MRGPRE: variants seen among roughly 807,000 people sequenced by gnomAD.
MRGPRE encodes mas-related G protein-coupled receptor member E.
For synonymous variants in MRGPRE, 229 were observed against 206.7 expected (o/e 1.11, Z -0.92); for missense variants, 466 against 433.4 (o/e 1.08, Z -0.67).
rs1847808382 is a variant in MRGPRE at position 3,229,631 on chromosome 11, G to C, written c.-61-771C>G. Among the ~76,000 whole-genome samples the C allele has an allele frequency of 6.6e-6, 1 of 152,206 alleles. No individual in the cohort carries two copies. The highest frequency in any genetic ancestry group is 1.9e-4 in the East Asian group (1 of 5,190). On this transcript the variant is annotated intron_variant, in intron 1 of 1. Coordinates refer to ENST00000389832, the MANE Select transcript of MRGPRE (RefSeq NM_001039165.4). This position sits in a 1 kb window ranked among gnomAD's most constrained non-coding sequence, Gnocchi z 4.4. ...CTTAAAGCAGCCCTCAACTCTTTGA[G>C]GCCTTTCCTTGACATCCATGAGGGG... is the stretch of plus-strand genomic sequence containing the variant.
rs549893223 is a variant in MRGPRE at position 3,227,267 on chromosome 11, C to A, written c.*594G>T. On this transcript the variant is annotated 3_prime_UTR_variant, in exon 2 of 2. Transcript: ENST00000389832. ...AAGCTCCGAGTGAGGGTTGCATCGT[C>A]CCGGTCTGAGGTGCACGGCCTTGAG... Among the ~76,000 whole-genome samples the A allele has an allele frequency of 6.6e-6, 1 of 152,270 alleles. No individual in the cohort carries two copies. Among genetic ancestry groups the A allele is most frequent in the South Asian group, 2.1e-4 (1 of 4,820 alleles).
chr11:3,228,628 A>G lies in MRGPRE; in HGVS notation c.172T>C (p.Phe58Leu). The change falls in exon 2 of 2, where the codon TTC becomes CTC. Residue 58 changes from phenylalanine (F) to leucine (L), a missense_variant. Transcript: ENST00000389832. The stretch of plus-strand genomic sequence containing the variant: ...GCCACGTCCAGGAGGTAGATGGCGA[A>G]GGGGTTTCTGTAGACATTGGAGCTG... ...LLSSNVYRNPFAIYLLDVACA... is the reference protein window; with the variant it reads ...LLSSNVYRNPLAIYLLDVACA... The G allele has an allele frequency of 6.2e-7, 1 of 1,614,090 alleles. No homozygotes were observed. The highest frequency in any genetic ancestry group is 2.2e-5 in the East Asian group (1 of 44,856).
rs1157438945 is a variant in MRGPRE, at chr11:3,226,624, A to C, written c.*1237T>G. 6.6e-6 allele frequency among the ~76,000 whole-genome samples: 1 copy of C among 152,210 alleles called. No homozygotes were observed. Among genetic ancestry groups the C allele is most frequent in the Non-Finnish European group, 1.5e-5 (1 of 68,024 alleles). ...AGACTCAAGAGGGGCTGGTTCAGTC[A>C]TGGTCCAGAGGGAATGTCCTTCCAT... On this transcript the variant is annotated 3_prime_UTR_variant, in exon 2 of 2. Coordinates refer to ENST00000389832, the MANE Select transcript of MRGPRE (RefSeq NM_001039165.4).
Position 3,228,052 on chromosome 11 carries a change from A to G in MRGPRE, c.748T>C (p.Phe250Leu). The G allele has an allele frequency of 2.5e-6, 4 of 1,609,172 alleles. No homozygotes were observed. Among genetic ancestry groups the G allele is most frequent in the Non-Finnish European group, 3.4e-6 (4 of 1,178,156 alleles). Reference sequence around the variant, plus strand: ...GCCATGAGGAAGCTGAAGTGGTAGAAGTAGTGGGGGATGTACCAGAGCAGG... The same window carrying G: ...GCCATGAGGAAGCTGAAGTGGTAGAGGTAGTGGGGGATGTACCAGAGCAGG... The part of the protein sequence containing the change: ...RNLLWYIPHY[F>L]YHFSFLMAAV... The change falls in exon 2 of 2, where the codon TTC becomes CTC. Residue 250 changes from phenylalanine (F) to leucine (L), a missense_variant. Coordinates refer to ENST00000389832, the MANE Select transcript of MRGPRE (RefSeq NM_001039165.4).
In MRGPRE at chr11:3,229,211, G is replaced by A. The variant is rs12283729; in HGVS notation, c.-61-351C>T. Among the ~76,000 whole-genome samples the A allele has an allele frequency of 1.5e-5, 2 of 132,660 alleles. No homozygotes were observed. Among genetic ancestry groups the A allele is most frequent in the East Asian group, 4.3e-4 (2 of 4,600 alleles). 87.0% of individuals were successfully genotyped at this position (132,660 alleles called of 152,430 possible). A position where few individuals can be genotyped will look rare whatever the true frequency, so the allele number is the denominator to read the frequency against. On this transcript the variant is annotated intron_variant, in intron 1 of 1. Transcript: ENST00000389832. This position sits in a 1 kb window ranked among gnomAD's most constrained non-coding sequence, Gnocchi z 4.4. ...AGTGGTGCCTTGATCCTCAGAATGG[G>A]CTTTTTTTTTTTTTTTTTTTTTTTT...
Position 3,227,826 on chromosome 11 carries a change from A to G in MRGPRE, c.*35T>C. ...CTTCCCCAAGTCACCCTCTTGCCTC[A>G]CGGGGGCTGCAGCTGGGGTCGGGGG... On this transcript the variant is annotated 3_prime_UTR_variant, in exon 2 of 2. Coordinates refer to ENST00000389832, the MANE Select transcript of MRGPRE (RefSeq NM_001039165.4). The G allele has an allele frequency of 7.0e-7, 1 of 1,418,910 alleles. No individual in the cohort carries two copies. Among genetic ancestry groups the G allele is most frequent in the Non-Finnish European group, 9.2e-7 (1 of 1,083,806 alleles). The allele number at this position is 1,418,910 out of a possible 1,614,324, so 87.9% of individuals were successfully genotyped here. A position where few individuals can be genotyped will look rare whatever the true frequency, so the allele number is the denominator to read the frequency against.
rs369542379 is a variant in MRGPRE at position 3,228,828 on chromosome 11, A to C, written c.-29T>G. ...GCGGGGGGCCAGGGGATGCTGCAGG[A>C]GTGTGTTCTGCTCGCTCTCTCTCCT... On this transcript the variant is annotated 5_prime_UTR_variant, in exon 2 of 2. Transcript: ENST00000389832. The C allele has an allele frequency of 6.4e-7, 1 of 1,558,182 alleles. No homozygotes were observed. The highest frequency in any genetic ancestry group is 8.7e-7 in the Non-Finnish European group (1 of 1,145,584).
At chr11:3,228,900 A>G in intron 1 of MRGPRE, 40 bp from the exon 2 acceptor site, 1 of 939,504 alleles carries the variant, frequency 1.1e-6, no homozygotes, top group Non-Finnish European at 1.6e-6. Context: ...TCAGGAATCC[A>G]TGCCCCCTGC....
At position 3,225,144 on chromosome 11, in the gene MRGPRE, C is replaced by A. The variant is rs1488691791; in HGVS notation, c.*2717G>T. On this transcript the variant is annotated 3_prime_UTR_variant, in exon 2 of 2. Coordinates refer to ENST00000389832, the MANE Select transcript of MRGPRE (RefSeq NM_001039165.4). ...ACGCCATGCAGCGCAGGCTGATTTA[C>A]AGACTCGTACCCGGGCGCTGGGGAG... Among the ~76,000 whole-genome samples, 1 of 152,242 alleles carries A rather than the reference C, an allele frequency of 6.6e-6. No homozygotes were observed. The highest frequency in any genetic ancestry group is 1.5e-5 in the Non-Finnish European group (1 of 68,034).
chr11:3,227,952 C>T lies in MRGPRE; in HGVS notation c.848G>A (p.Arg283Gln), dbSNP rs544967851. ...GSAQGRRLPL[R>Q]LVLQRALGDE... ...TCCCAGCGCTCGCTGGAGGACCAGC[C>T]GGAGGGGCAGCCTGCGGCCCTGGGC... Residue 283 changes from arginine to glutamine, a missense_variant, in exon 2 of 2, where the codon CGG becomes CAG. Transcript: ENST00000389832. The T allele has an allele frequency of 4.5e-5, 71 of 1,563,424 alleles. No individual in the cohort carries two copies. In the East Asian group the frequency reaches 1.1e-3, roughly 24 times the overall value.
rs200190740 is a variant in MRGPRE, at chr11:3,228,761, G to A, written c.39C>T (p.Ala13=). The part of the protein sequence containing the change: ...EPREAGQHVG[A]ANGAQEDVAF... ...CCACATCCTCCTGGGCGCCGTTGGC[G>A]GCCCCCACGTGCTGTCCAGCTTCTC... Residue 13 remains alanine (A), a synonymous_variant, in exon 2 of 2, where the codon GCC becomes GCT. Coordinates refer to ENST00000389832, the MANE Select transcript of MRGPRE (RefSeq NM_001039165.4). The A allele has an allele frequency of 6.9e-5, 112 of 1,612,232 alleles. 2 individuals carry two copies. Among genetic ancestry groups the A allele is most frequent in the African/African-American group, 5.9e-4 (44 of 75,024 alleles).
rs1364582603 is a variant in MRGPRE at position 3,229,649 on chromosome 11, A to G, written c.-61-789T>C. On this transcript the variant is annotated intron_variant, in intron 1 of 1. Transcript: ENST00000389832. This position sits in a 1 kb window ranked among gnomAD's most constrained non-coding sequence, Gnocchi z 4.4. Reference sequence around the variant, plus strand: ...TCTTTGAGGCCTTTCCTTGACATCCATGAGGGGTTGTTTGCCAGTGGGCTC... The same window carrying G: ...TCTTTGAGGCCTTTCCTTGACATCCGTGAGGGGTTGTTTGCCAGTGGGCTC... Among the ~76,000 whole-genome samples the G allele has an allele frequency of 6.6e-6, 1 of 152,082 alleles. No homozygotes were observed. Among genetic ancestry groups the G allele is most frequent in the Non-Finnish European group, 1.5e-5 (1 of 68,018 alleles).
chr11:3,229,952 G>T lies in MRGPRE; in HGVS notation c.-61-1092C>A, dbSNP rs1210399206. 6.6e-6 allele frequency among the ~76,000 whole-genome samples: 1 copy of T among 152,200 alleles called. No individual in the cohort carries two copies. On this transcript the variant is annotated intron_variant, in intron 1 of 1. Transcript: ENST00000389832. The surrounding 1 kb of genome is among the most constrained non-coding windows in gnomAD (Gnocchi z 4.4). ...CCCTCCCAAGGCAGTCGGCTCACGGGGACAGGTCCTGCGGGAGGGGTACTG... is the reference window on the plus strand; with the variant it reads ...CCCTCCCAAGGCAGTCGGCTCACGGTGACAGGTCCTGCGGGAGGGGTACTG...
In MRGPRE at chr11:3,228,661, A is replaced by C; in HGVS notation, c.139T>G (p.Trp47Gly). The change falls in exon 2 of 2, where the codon TGG becomes GGG. Residue 47 changes from tryptophan (W) to glycine (G), a missense_variant. By Grantham distance (184) the Trp-to-Gly change is radical. Coordinates refer to ENST00000389832, the MANE Select transcript of MRGPRE (RefSeq NM_001039165.4). The stretch of plus-strand genomic sequence containing the variant: ...CTGTAGACATTGGAGCTGAGCAGCC[A>C]GAGGACTGCCCCATTCCCCAGCAGC... ...GGLLGNGAVLWLLSSNVYRNP... is the reference protein window; with the variant it reads ...GGLLGNGAVLGLLSSNVYRNP... The C allele has an allele frequency of 1.2e-6, 2 of 1,614,130 alleles. No individual in the cohort carries two copies. Among genetic ancestry groups the C allele is most frequent in the Non-Finnish European group, 8.5e-7 (1 of 1,180,018 alleles).
Position 3,229,419 on chromosome 11 carries a change from G to T in MRGPRE, c.-61-559C>A, listed in dbSNP as rs1847806409. 1.3e-5 allele frequency among the ~76,000 whole-genome samples: 2 copies of T among 152,160 alleles called. No homozygotes were observed. Among genetic ancestry groups the T allele is most frequent in the East Asian group, 1.9e-4 (1 of 5,180 alleles). On this transcript the variant is annotated intron_variant, in intron 1 of 1. Coordinates refer to ENST00000389832, the MANE Select transcript of MRGPRE (RefSeq NM_001039165.4). This position sits in a 1 kb window ranked among gnomAD's most constrained non-coding sequence, Gnocchi z 4.4. ...TTATTGCATTTTTAGTAGAGACAGG[G>T]TTTCACCATATTGGCCAGGCTGGTC... is the stretch of plus-strand genomic sequence containing the variant.
At position 3,227,011 on chromosome 11, in the gene MRGPRE, T is replaced by C. The variant is rs1442628265; in HGVS notation, c.*850A>G. Among the ~76,000 whole-genome samples, 1 of 152,120 alleles carries C rather than the reference T, an allele frequency of 6.6e-6. No homozygotes were observed. Among genetic ancestry groups the C allele is most frequent in the Non-Finnish European group, 1.5e-5 (1 of 68,010 alleles). On this transcript the variant is annotated 3_prime_UTR_variant, in exon 2 of 2. Transcript: ENST00000389832. ...GGAAGCTCGGAAACCTGTTGAGGGGTGAAGCCTGGGTTCCTTCCTCAGAGG... is the reference window on the plus strand; with the variant it reads ...GGAAGCTCGGAAACCTGTTGAGGGGCGAAGCCTGGGTTCCTTCCTCAGAGG...
rs1252516343 is a variant in MRGPRE at position 3,229,886 on chromosome 11, G to A, written c.-61-1026C>T. Among the ~76,000 whole-genome samples, 1 of 152,186 alleles carries A rather than the reference G, an allele frequency of 6.6e-6. No individual in the cohort carries two copies. The highest frequency in any genetic ancestry group is 1.5e-5 in the Non-Finnish European group (1 of 68,016). On this transcript the variant is annotated intron_variant, in intron 1 of 1. Transcript: ENST00000389832. This position sits in a 1 kb window ranked among gnomAD's most constrained non-coding sequence, Gnocchi z 4.4. ...GAGCTGTCTGATGATGGGGCTGGGA[G>A]GGGCCCTGAGCTTCCATGGCGTCTC...
rs1367697287 is a variant in MRGPRE, at chr11:3,232,223, G to A, written c.-144C>T. The stretch of plus-strand genomic sequence containing the variant: ...ATCCTGGCCGCGGCCGAGGGCTCCA[G>A]TCCCCAGAGCCTCTGGGCGGCTCCT... On this transcript the variant is annotated 5_prime_UTR_variant, in exon 1 of 2. Transcript: ENST00000389832. 1.3e-5 allele frequency: 2 copies of A among 152,372 alleles called. No individual in the cohort carries two copies. Among genetic ancestry groups the A allele is most frequent in the African/African-American group, 2.4e-5 (1 of 41,466 alleles). The allele number at this position is 152,372 out of a possible 1,614,324, so 9.4% of individuals were successfully genotyped here.
chr11:3,225,084 C>G lies in MRGPRE; in HGVS notation c.*2777G>C, dbSNP rs1847744522. On this transcript the variant is annotated 3_prime_UTR_variant, in exon 2 of 2. Coordinates refer to ENST00000389832, the MANE Select transcript of MRGPRE (RefSeq NM_001039165.4). Reference sequence around the variant, plus strand: ...TTTTTCCAGCGTGTGAGCTAATGAACTAGCTGAGGAGTGAGCCTGCCTCTC... The same window carrying G: ...TTTTTCCAGCGTGTGAGCTAATGAAGTAGCTGAGGAGTGAGCCTGCCTCTC... Among the ~76,000 whole-genome samples the G allele has an allele frequency of 6.6e-6, 1 of 152,274 alleles. No homozygotes were observed. Among genetic ancestry groups the G allele is most frequent in the South Asian group, 2.1e-4 (1 of 4,836 alleles).
Sources: gnomAD v4.1 joint callset for allele counts (sites outside exome capture counted in the v4.1 genomes callset) on GRCh38, gnomAD v4.1.1 for gene constraint, Gnocchi (gnomAD v3.1) non-coding constraint, MANE v1.5 for transcripts, NCBI Gene and HGNC (gene_info 2026-07-23, HGNC 2026-07-21) for gene names.